The following NGEF variants were observed in gnomAD, a reference collection of about 807,000 sequenced individuals.
NGEF encodes the protein ephexin-1.
In NGEF, 31 loss-of-function variants were observed where a neutral mutation model predicts 80.9. That is an observed-to-expected ratio of 0.38 (90% CI 0.29 to 0.52). NGEF has a LOEUF of 0.52. Among genes scored for constraint, NGEF ranks in the 20% least tolerant of loss-of-function variants. The probability of loss-of-function intolerance (pLI) is 0.84; values close to 1 mark genes in which losing one functional copy is unlikely to be tolerated. For missense variants in NGEF, 709 were observed against 926.2 expected (o/e 0.77, Z 3.04); for synonymous variants, 371 against 370.2 (o/e 1.00, Z -0.03).
chr2:232,927,482 C>A (rs1305614404), intron 3 of NGEF, among the ~76,000 whole-genome samples: 1 of 152,196 alleles, frequency 6.6e-6, no homozygotes, highest in Non-Finnish European at 1.5e-5. Flanking sequence ...CGTGCCCACT[C>A]TCCGGCGCCG....
intron 4 of NGEF, among the ~76,000 whole-genome samples, chr2:232,925,646 A>G (rs1391154127): frequency 6.6e-6 from 1 of 152,164 alleles, no homozygotes; most frequent in Non-Finnish European, 1.5e-5. Flanking sequence ...CTCCTCCCCA[A>G]CCTGGATGTC....
intron 1 of NGEF, among the ~76,000 whole-genome samples, chr2:232,979,628 G>C (rs563674408): frequency 6.6e-6 from 1 of 152,128 alleles, no homozygotes; most frequent in Non-Finnish European, 1.5e-5. Flanking sequence ...ACTTCAGGGT[G>C]GGGGAGCCTG....
chr2:232,920,229 G>A, intron 5 of NGEF, 55 bp downstream of exon 5: 1 of 1,546,854 alleles, frequency 6.5e-7, no homozygotes, highest in South Asian at 1.2e-5. Flanking sequence ...ACCCCCAGCA[G>A]TGAGGGCCAC....
chr2:232,994,683 G>C (rs1373849726), intron 1 of NGEF, among the ~76,000 whole-genome samples: 2 of 152,088 alleles, frequency 1.3e-5, no homozygotes, highest in Admixed American at 1.3e-4. Flanking sequence ...GGGCATGTGG[G>C]TTCCCCTTGG....
chr2:232,941,141 G>A (rs769074686), intron 3 of NGEF, among the ~76,000 whole-genome samples: 22 of 152,162 alleles, frequency 1.4e-4, no homozygotes, highest in Non-Finnish European at 2.2e-4. Flanking sequence ...GGAAGTCGGA[G>A]CTGTCTTCTT....
intron 5 of NGEF, among the ~76,000 whole-genome samples, chr2:232,907,174 G>GAA (rs1559204407): frequency 3.0e-4 from 10 of 33,018 alleles, no homozygotes; most frequent in Middle Eastern, 0.017. Flanking sequence ...AAAAAAAAAA[G>GAA]AAAAGAAAAA....
At chr2:232,882,380 C>T in intron 12 of NGEF, 115 bp from the exon 13 acceptor site, 1 of 907,414 alleles carries the variant, frequency 1.1e-6, no homozygotes, top group Non-Finnish European at 1.7e-6. Flanking sequence ...ATCCTGAGCA[C>T]CGCTCAAGCC....
At position 232,995,014 on chromosome 2, in the gene NGEF, T is replaced by G; in HGVS notation, c.-75+18054A>C. Among the ~76,000 whole-genome samples, 2 of 31,818 alleles carry G rather than the reference T, an allele frequency of 6.3e-5. 1 individual carries two copies. The highest frequency in any genetic ancestry group is 2.0e-4 in the Non-Finnish European group (2 of 9,774). 20.9% of individuals were successfully genotyped at this position (31,818 alleles called of 152,430 possible). ...TAACTACACATATATGTATAATACA[T>G]ATATGTATACTGTATATATGTACAG... is the stretch of plus-strand genomic sequence containing the variant. On this transcript the variant is annotated intron_variant, in intron 1 of 14. Coordinates refer to ENST00000264051, the MANE Select transcript of NGEF (RefSeq NM_019850.3).
chr2:232,879,420 G>GCCCCCCCCCCCCCCCC lies in NGEF; in HGVS notation c.*68_*69insGGGGGGGGGGGGGGGG. 1 of 1,228,156 alleles carries GCCCCCCCCCCCCCCCC rather than the reference G, an allele frequency of 8.1e-7. No individual in the cohort carries two copies. The allele number at this position is 1,228,156 out of a possible 1,614,324, so 76.1% of individuals were successfully genotyped here. Reference sequence around the variant, plus strand: ...GAGGTGCTGGCCTGTGCTTCCCAGAGCCCCCCCCCCCCCACCTTCTGTCGG... The same window carrying GCCCCCCCCCCCCCCCC: ...GAGGTGCTGGCCTGTGCTTCCCAGAGCCCCCCCCCCCCCCCCCCCCCCCCCCCCCACCTTCTGTCGG... On this transcript the variant is annotated 3_prime_UTR_variant, in exon 15 of 15. Coordinates refer to ENST00000264051, the MANE Select transcript of NGEF (RefSeq NM_019850.3).
In NGEF at chr2:232,900,568, TCA is replaced by T. The variant is rs577288263; in HGVS notation, c.829-5654_829-5653del. ...CATATACACGTTCACTCACATTCAC[TCA>T]CACACACGCTCTCACAGTCACTCAT... On this transcript the variant is annotated intron_variant, in intron 5 of 14. Transcript: ENST00000264051. 9.4e-4 allele frequency among the ~76,000 whole-genome samples: 37 copies of T among 39,180 alleles called. 7 individuals are homozygous for T. The East Asian group carries it at 0.021, about 23-fold the overall frequency. The allele number at this position is 39,180 out of a possible 152,430, so 25.7% of individuals were successfully genotyped here. A position where few individuals can be genotyped will look rare whatever the true frequency, so the allele number is the denominator to read the frequency against.
Position 232,883,423 on chromosome 2 carries a change from G to A in NGEF, c.1645C>T (p.Arg549Cys), listed in dbSNP as rs1428057021. ...VFDSAPRGLL[R>C]VEELEDQGQT... is the part of the protein sequence containing the mutation. ...CCCTGGTCCTCCAGCTCCTCCACACGCAGCAGTCCCCGCGGAGCTGAGTCA... is the reference window on the plus strand; with the variant it reads ...CCCTGGTCCTCCAGCTCCTCCACACACAGCAGTCCCCGCGGAGCTGAGTCA... Residue 549 changes from arginine (R) to cysteine (C), a missense_variant, in exon 12 of 15, where the codon CGT becomes TGT. Physicochemically the swap from Arg to Cys is radical, Grantham distance 180. Transcript: ENST00000264051. The A allele has an allele frequency of 3.1e-6, 5 of 1,609,680 alleles. No individual in the cohort carries two copies. The highest frequency in any genetic ancestry group is 1.3e-5 in the African/African-American group (1 of 74,822).
At chr2:232,973,293 T>G (rs191504571) in intron 2 of NGEF, among the ~76,000 whole-genome samples, 77 of 152,304 alleles carry the variant, frequency 5.1e-4, no homozygotes, top group Middle Eastern at 3.4e-3. Flanking sequence ...TTCAAACATA[T>G]GGAAAAGTTG....
chr2:232,905,908 C>CT (rs1692505611), intron 5 of NGEF: 6 of 165,414 alleles, frequency 3.6e-5, no homozygotes, highest in African/African-American at 2.7e-5. Flanking sequence ...GGGTCAGCCC[C>CT]CCGCCCGGCC....
At chr2:232,992,702 C>G (rs984501180) in intron 1 of NGEF, among the ~76,000 whole-genome samples, 1 of 151,646 alleles carries the variant, frequency 6.6e-6, no homozygotes, top group Admixed American at 6.6e-5. Context: ...AATTAAAATA[C>G]GGGGCTGGGA....
Position 232,892,324 on chromosome 2 carries a change from A to G in NGEF, c.1142+574T>C, listed in dbSNP as rs1691909556. ...TCCCTGGGTGCTTCTGTGCGGAGCC[A>G]AGACGGCCTCCCTGGCTAACCCCAG... On this transcript the variant is annotated intron_variant, in intron 7 of 14. Transcript: ENST00000264051. The surrounding 1 kb of genome is among the most constrained non-coding windows in gnomAD (Gnocchi z 4.0). Among the ~76,000 whole-genome samples, 1 of 152,184 alleles carries G rather than the reference A, an allele frequency of 6.6e-6. No individual in the cohort carries two copies. The highest frequency in any genetic ancestry group is 2.4e-5 in the African/African-American group (1 of 41,450).
At chr2:232,925,462 G>A (rs923895078) in intron 4 of NGEF, among the ~76,000 whole-genome samples, 7 of 152,188 alleles carry the variant, frequency 4.6e-5, no homozygotes, top group African/African-American at 1.4e-4. Flanking sequence ...GAAAGACTCA[G>A]AACATCAGAT....
At chr2:232,928,393 T>G (rs116332744) in intron 3 of NGEF, among the ~76,000 whole-genome samples, 24,081 of 151,752 alleles carry the variant, frequency 0.16, 2,028 homozygotes, top group East Asian at 0.28. Context: ...GCCCTGGAGC[T>G]GCGCCTTTGC....
intron 1 of NGEF, among the ~76,000 whole-genome samples, chr2:232,995,608 AGTATGTATAC>A (rs1482308583): frequency 1.0e-3 from 138 of 134,392 alleles, no homozygotes; most frequent in Non-Finnish European, 1.6e-3. Context: ...ATATATATAC[AGTATGTATAC>A]GTATGTATAC....
intron 1 of NGEF, among the ~76,000 whole-genome samples, chr2:232,987,696 G>A (rs926325517): frequency 6.6e-6 from 1 of 152,174 alleles, no homozygotes; most frequent in Non-Finnish European, 1.5e-5. Flanking sequence ...TGGGAATGGA[G>A]CTGGCTTTGA....
Sources: gnomAD v4.1 joint callset for allele counts (sites outside exome capture counted in the v4.1 genomes callset) on GRCh38, gnomAD v4.1.1 for gene constraint, Gnocchi (gnomAD v3.1) non-coding constraint, MANE v1.5 for transcripts, NCBI Gene and HGNC (gene_info 2026-07-23, HGNC 2026-07-21) for gene names.